NFE2L3: variants seen among roughly 807,000 people sequenced by gnomAD.
The protein encoded by NFE2L3 is nuclear factor erythroid 2-related factor 3.
In NFE2L3, 18 loss-of-function variants were observed where a neutral mutation model predicts 23.5. The observed-to-expected ratio is 0.77, with a 90% CI of 0.53 to 1.13. The LOEUF is 1.13. NFE2L3 is among the 50% of genes most tolerant of loss of function. NFE2L3 has a pLI of 0.00. For missense variants in NFE2L3, 1,152 were observed against 877.2 expected, an observed-to-expected ratio of 1.31 and a Z score of -3.96; for synonymous variants, 424 against 354.5, an observed-to-expected ratio of 1.20 and a Z score of -2.20.
At position 26,186,593 on chromosome 7, in the gene NFE2L3, A is replaced by G. The variant is rs1162081393; in HGVS notation, c.*810A>G. On this transcript the variant is annotated 3_prime_UTR_variant, in exon 4 of 4. Coordinates refer to ENST00000056233, the MANE Select transcript of NFE2L3 (RefSeq NM_004289.7). ...CCAGAGACAGAATGGGCTACTTGCA[A>G]AAACGTAACTCCTTGTGTGTATATT... is the stretch of plus-strand genomic sequence containing the variant. 1 of 152,232 alleles carries G rather than the reference A, an allele frequency of 6.6e-6. No individual in the cohort carries two copies. The highest frequency in any genetic ancestry group is 1.5e-5 in the Non-Finnish European group (1 of 68,038). 9.4% of individuals were successfully genotyped at this position (152,232 alleles called of 1,614,324 possible).
intron 1 of NFE2L3, among the ~76,000 whole-genome samples, chr7:26,169,070 C>G (rs551580006): frequency 6.6e-6 from 1 of 152,260 alleles, no homozygotes; most frequent in African/African-American, 2.4e-5. Flanking sequence ...ACACTTGATT[C>G]TAGCCAAAAG....
chr7:26,161,598 C>T (rs1419907103), intron 1 of NFE2L3, among the ~76,000 whole-genome samples: 8 of 152,002 alleles, frequency 5.3e-5, no homozygotes, highest in African/African-American at 1.2e-4. Flanking sequence ...TCCGGCAATA[C>T]CTGAATGGAA....
At chr7:26,184,464 T>C in intron 3 of NFE2L3, 69 bp from the exon 4 acceptor site, 1 of 1,392,576 alleles carries the variant, frequency 7.2e-7, no homozygotes, top group East Asian at 2.3e-5. Context: ...GAAAGAAAGT[T>C]GTTAGGTAAT....
intron 1 of NFE2L3, among the ~76,000 whole-genome samples, chr7:26,169,664 C>T (rs993204308): frequency 1.3e-5 from 2 of 152,204 alleles, no homozygotes; most frequent in African/African-American, 4.8e-5. Flanking sequence ...ATTATATTTG[C>T]TTCACAATAG....
At chr7:26,183,903 G>T in intron 3 of NFE2L3, 119 bp downstream of exon 3, 1 of 687,832 alleles carries the variant, frequency 1.5e-6, no homozygotes. Flanking sequence ...TATTTTTACA[G>T]AAGCACTTCA....
At chr7:26,156,669 C>T (rs1440714461) in intron 1 of NFE2L3, among the ~76,000 whole-genome samples, 1 of 152,216 alleles carries the variant, frequency 6.6e-6, no homozygotes, top group African/African-American at 2.4e-5. Context: ...GGAACAGCTG[C>T]CTACAGCCAG....
intron 1 of NFE2L3, among the ~76,000 whole-genome samples, chr7:26,170,127 C>T (rs931250795): frequency 3.3e-5 from 5 of 152,158 alleles, no homozygotes; most frequent in Non-Finnish European, 5.9e-5. Flanking sequence ...ATAAATTATA[C>T]GGTCACTTAT....
intron 2 of NFE2L3, among the ~76,000 whole-genome samples, chr7:26,178,915 C>T (rs1046642248): frequency 5.3e-5 from 8 of 152,078 alleles, no homozygotes; most frequent in Non-Finnish European, 8.8e-5. Context: ...GTCCCCTTCC[C>T]AGAATGTGGA....
intron 1 of NFE2L3, among the ~76,000 whole-genome samples, chr7:26,159,949 C>CTTTTTT (rs59484170): frequency 2.5e-5 from 3 of 118,476 alleles, no homozygotes; most frequent in African/African-American, 3.3e-5. Context: ...AATCTTGTTG[C>CTTTTTT]TTTTTTTTTT....
chr7:26,168,516 G>T (rs199519202), intron 1 of NFE2L3, among the ~76,000 whole-genome samples: 2,663 of 142,354 alleles, frequency 0.019, 68 homozygotes, highest in East Asian at 0.11. Context: ...TATATTATAT[G>T]ATTATATGCA....
At chr7:26,182,831 TCTGTTAGGCTGGAGTGTGGCAGCG>T (rs1208824808) in intron 2 of NFE2L3, among the ~76,000 whole-genome samples, 5 of 152,148 alleles carry the variant, frequency 3.3e-5, no homozygotes, top group African/African-American at 1.2e-4. Context: ...GAGATCTCAT[TCTGTTAGGCTGGAGTGTGGCAGCG>T]CTGTCACGAC....
chr7:26,152,783 G>A lies in NFE2L3; in HGVS notation c.285G>A (p.Val95=), dbSNP rs760101781. The A allele has an allele frequency of 7.4e-6, 11 of 1,485,304 alleles. 1 individual carries two copies. The South Asian group carries it at 1.4e-4, about 19-fold the overall frequency. 92.0% of individuals were successfully genotyped at this position (1,485,304 alleles called of 1,614,324 possible). Residue 95 remains valine (V), a synonymous_variant, in exon 1 of 4, where the codon GTG becomes GTA. Transcript: ENST00000056233. This position sits in a 1 kb window ranked among gnomAD's most constrained non-coding sequence, Gnocchi z 4.4. ...APPEGQLLRE[V]RALGVPFVPR... ...CCGAGGGCCAGCTGCTCCGGGAGGT[G>A]CGCGCGCTCGGGGTCCCCTTCGTCC...
At position 26,186,364 on chromosome 7, in the gene NFE2L3, G is replaced by A. The variant is rs1038621690; in HGVS notation, c.*581G>A. 1.3e-5 allele frequency: 2 copies of A among 152,104 alleles called. No homozygotes were observed. Among genetic ancestry groups the A allele is most frequent in the African/African-American group, 4.8e-5 (2 of 41,390 alleles). The allele number at this position is 152,104 out of a possible 1,614,324, so 9.4% of individuals were successfully genotyped here. On this transcript the variant is annotated 3_prime_UTR_variant, in exon 4 of 4. Coordinates refer to ENST00000056233, the MANE Select transcript of NFE2L3 (RefSeq NM_004289.7). ...TTTCCTTCCAAAATATCCACATTCA[G>A]GAATATAGGTGAATAACAAATAAGG...
At chr7:26,154,619 C>A (rs140169100) in intron 1 of NFE2L3, among the ~76,000 whole-genome samples, 1 of 152,168 alleles carries the variant, frequency 6.6e-6, no homozygotes, top group Non-Finnish European at 1.5e-5. Flanking sequence ...GGTGCAATGA[C>A]GACTCACTGC....
intron 1 of NFE2L3, among the ~76,000 whole-genome samples, chr7:26,158,207 C>A (rs377584433): frequency 6.6e-6 from 1 of 152,254 alleles, no homozygotes; most frequent in South Asian, 2.1e-4. Flanking sequence ...TGCCACCACG[C>A]CCAGCTAATT....
chr7:26,178,368 C>T (rs1282414161), intron 2 of NFE2L3, among the ~76,000 whole-genome samples: 1 of 152,176 alleles, frequency 6.6e-6, no homozygotes, highest in Non-Finnish European at 1.5e-5. Flanking sequence ...CACCCCCTTC[C>T]AGGACCTTGC....
At position 26,152,900 on chromosome 7, in the gene NFE2L3, G is replaced by C. The variant is rs987391026; in HGVS notation, c.402G>C (p.Ser134=). ...AHGLLGAAAA[S]STGGAGASVD... The stretch of plus-strand genomic sequence containing the variant: ...GGCTGCTCGGCGCCGCCGCCGCCTC[G>C]TCCACCGGAGGAGCCGGCGCCAGCG... Residue 134 remains serine (S), a synonymous_variant, in exon 1 of 4, where the codon TCG becomes TCC. Transcript: ENST00000056233. This position sits in a 1 kb window ranked among gnomAD's most constrained non-coding sequence, Gnocchi z 4.4. 6 of 1,448,626 alleles carry C rather than the reference G, an allele frequency of 4.1e-6. No individual in the cohort carries two copies. In the East Asian group the frequency reaches 9.0e-5, roughly 22 times the overall value. 89.7% of individuals were successfully genotyped at this position (1,448,626 alleles called of 1,614,324 possible). A position where few individuals can be genotyped will look rare whatever the true frequency, so the allele number is the denominator to read the frequency against.
chr7:26,185,547 A>G lies in NFE2L3; in HGVS notation c.1849A>G (p.Lys617Glu), dbSNP rs767741012. The G allele has an allele frequency of 6.2e-6, 10 of 1,613,770 alleles. No homozygotes were observed. In the East Asian group the frequency reaches 8.9e-5, roughly 14 times the overall value. ...EDDVCNLQAKKETLKREQAQC... is the reference protein window; with the variant it reads ...EDDVCNLQAKEETLKREQAQC... ...TGATGTATGTAACTTGCAAGCAAAGAAGGAAACTCTTAAGAGAGAGCAAGC... is the reference window on the plus strand; with the variant it reads ...TGATGTATGTAACTTGCAAGCAAAGGAGGAAACTCTTAAGAGAGAGCAAGC... Residue 617 changes from lysine (K) to glutamate (E), a missense_variant, in exon 4 of 4, where the codon AAG becomes GAG. Coordinates refer to ENST00000056233, the MANE Select transcript of NFE2L3 (RefSeq NM_004289.7).
In NFE2L3 at chr7:26,186,834, T is replaced by C. The variant is rs182708441; in HGVS notation, c.*1051T>C. The C allele has an allele frequency of 1.3e-5, 2 of 152,122 alleles. No homozygotes were observed. Among genetic ancestry groups the C allele is most frequent in the South Asian group, 2.1e-4 (1 of 4,828 alleles). 9.4% of individuals were successfully genotyped at this position (152,122 alleles called of 1,614,324 possible). A position where few individuals can be genotyped will look rare whatever the true frequency, so the allele number is the denominator to read the frequency against. On this transcript the variant is annotated 3_prime_UTR_variant, in exon 4 of 4. Coordinates refer to ENST00000056233, the MANE Select transcript of NFE2L3 (RefSeq NM_004289.7). ...AGGGTAAGGTAAATTCTAGAAATAATAGCATTTGAAATGAAAACCTCACTT... is the reference window on the plus strand; with the variant it reads ...AGGGTAAGGTAAATTCTAGAAATAACAGCATTTGAAATGAAAACCTCACTT...
Sources: allele counts gnomAD v4.1 joint callset (sites outside exome capture counted in the v4.1 genomes callset), GRCh38; gene constraint gnomAD v4.1.1; non-coding constraint Gnocchi (gnomAD v3.1); transcripts MANE v1.5; gene names NCBI Gene and HGNC (gene_info 2026-07-23, HGNC 2026-07-21).